Variants in WARS2 observed in about 807,000 individuals in gnomAD.
The protein encoded by WARS2 is tryptophan--tRNA ligase, mitochondrial.
In WARS2, 28 loss-of-function variants were observed where a neutral mutation model predicts 36.5. That is an observed-to-expected ratio of 0.77 (90% CI 0.57 to 1.05). The LOEUF is 1.05. Ranked by LOEUF, WARS2 falls within the 50% of genes least tolerant of loss-of-function variation. The pLI is 0.00. For synonymous variants in WARS2, 174 were observed against 178.4 expected (o/e 0.98, Z 0.20); for missense variants, 435 against 456.8 (o/e 0.95, Z 0.44).
intron 1 of WARS2, chr1:119,126,935 T>C (rs1655705110): frequency 2.7e-6 from 2 of 745,910 alleles, no homozygotes; most frequent in Non-Finnish European, 2.4e-6. Context: ...GATGAAGCAA[T>C]CATTGTCTGC....
chr1:119,123,272 A>C (rs1208371511), intron 1 of WARS2, among the ~76,000 whole-genome samples: 1 of 152,236 alleles, frequency 6.6e-6, no homozygotes, highest in Non-Finnish European at 1.5e-5. Context: ...TGCCCAAGTC[A>C]ATTGGCACTA....
At chr1:119,085,422 T>G in intron 1 of WARS2, 1 of 1,478,058 alleles carries the variant, frequency 6.8e-7, no homozygotes, top group South Asian at 1.2e-5. Flanking sequence ...GGATGGTTGC[T>G]CTGCCTGTAC....
At chr1:119,043,736 T>G (rs1648563772) in intron 3 of WARS2, among the ~76,000 whole-genome samples, 1 of 152,216 alleles carries the variant, frequency 6.6e-6, no homozygotes, top group African/African-American at 2.4e-5. Flanking sequence ...CACATTCAAT[T>G]TATAGCCTTT....
chr1:119,131,602 G>A (rs57055643), intron 1 of WARS2, among the ~76,000 whole-genome samples: 68,287 of 151,494 alleles, frequency 0.45, 15,993 homozygotes, highest in East Asian at 0.8. Context: ...AGCTGGGACT[G>A]CAGGCGCCCG....
intron 1 of WARS2, among the ~76,000 whole-genome samples, chr1:119,090,721 A>C (rs1652983900): frequency 6.6e-6 from 1 of 152,114 alleles, no homozygotes; most frequent in South Asian, 2.1e-4. Context: ...GAAAAAAATA[A>C]AAATACACAA....
At chr1:119,073,760 T>C (rs1651507986) in intron 2 of WARS2, among the ~76,000 whole-genome samples, 1 of 152,204 alleles carries the variant, frequency 6.6e-6, no homozygotes, top group Admixed American at 6.5e-5. Flanking sequence ...TCAATTGCTA[T>C]TTTGAACAAC....
At chr1:119,057,993 T>C (rs1423903149) in intron 2 of WARS2, among the ~76,000 whole-genome samples, 1 of 152,196 alleles carries the variant, frequency 6.6e-6, no homozygotes, top group Non-Finnish European at 1.5e-5. Context: ...GTTTCTCTTA[T>C]ATTAAGTGAT....
chr1:119,117,882 G>C (rs12036872), intron 1 of WARS2, among the ~76,000 whole-genome samples: 56,402 of 152,004 alleles, frequency 0.37, 11,385 homozygotes, highest in East Asian at 0.79. Flanking sequence ...GAAACGGGGA[G>C]AGCATCACAT....
chr1:119,112,292 A>G (rs1165488573), intron 1 of WARS2, among the ~76,000 whole-genome samples: 1 of 152,172 alleles, frequency 6.6e-6, no homozygotes, highest in Non-Finnish European at 1.5e-5. Context: ...AACTCTGACA[A>G]CTTTATTAGA....
At chr1:119,107,738 G>A (rs143915043) in intron 1 of WARS2, among the ~76,000 whole-genome samples, 1 of 152,120 alleles carries the variant, frequency 6.6e-6, no homozygotes, top group East Asian at 1.9e-4. Context: ...AAGGGGTGGT[G>A]ACATCCTTGT....
intron 2 of WARS2, among the ~76,000 whole-genome samples, chr1:119,071,977 A>G (rs1557959912): frequency 6.6e-6 from 1 of 152,202 alleles, no homozygotes; most frequent in Non-Finnish European, 1.5e-5. Flanking sequence ...AAAAGAAGAA[A>G]AAGAAAAAAA....
chr1:119,084,677 A>G (rs1033995452), intron 1 of WARS2, among the ~76,000 whole-genome samples: 1 of 152,182 alleles, frequency 6.6e-6, no homozygotes, highest in African/African-American at 2.4e-5. Context: ...AACATCAAAC[A>G]CAAAACTAGA....
At chr1:119,112,588 C>T (rs990463472) in intron 1 of WARS2, among the ~76,000 whole-genome samples, 2 of 152,112 alleles carry the variant, frequency 1.3e-5, no homozygotes, top group Non-Finnish European at 2.9e-5. Flanking sequence ...AGAACACAGG[C>T]GTACTGCTAA....
At chr1:119,117,078 G>A (rs1038553719) in intron 1 of WARS2, among the ~76,000 whole-genome samples, 2 of 152,196 alleles carry the variant, frequency 1.3e-5, no homozygotes, top group African/African-American at 4.8e-5. Flanking sequence ...TAAACTCAGT[G>A]CAGTTAGGGA....
At chr1:119,087,681 T>C (rs1652769698) in intron 1 of WARS2, among the ~76,000 whole-genome samples, 1 of 152,242 alleles carries the variant, frequency 6.6e-6, no homozygotes, top group Admixed American at 6.5e-5. Flanking sequence ...CAATTATGCA[T>C]GCAGAGGAGG....
Position 119,083,884 on chromosome 1 carries a change from C to T in WARS2, c.91-7277G>A, listed in dbSNP as rs181843709. On this transcript the variant is annotated intron_variant, in intron 1 of 5. Transcript: ENST00000235521. The stretch of plus-strand genomic sequence containing the variant: ...CAAATCAGCAAGTGTCATATTCTTG[C>T]CATAACATACTAACTAACACAGCAT... Among the ~76,000 whole-genome samples the T allele has an allele frequency of 1.7e-4, 26 of 152,250 alleles. No individual in the cohort carries two copies. In the East Asian group the frequency reaches 3.9e-3, roughly 23 times the overall value.
At position 119,103,540 on chromosome 1, in the gene WARS2, G is replaced by A. The variant is rs72707315; in HGVS notation, c.91-26933C>T. Reference sequence around the variant, plus strand: ...TTAGAAGCTCTGGAAAAGGAATCCTGTGGTTTAAAGGAGAATTTGTACTTT... The same window carrying A: ...TTAGAAGCTCTGGAAAAGGAATCCTATGGTTTAAAGGAGAATTTGTACTTT... On this transcript the variant is annotated intron_variant, in intron 1 of 5. Coordinates refer to ENST00000235521, the MANE Select transcript of WARS2 (RefSeq NM_015836.4). Among the ~76,000 whole-genome samples the A allele has an allele frequency of 2.8e-3, 433 of 152,038 alleles. 5 individuals carry two copies. The highest frequency in any genetic ancestry group is 0.02 in the Middle Eastern group (6 of 294).
Position 119,076,579 on chromosome 1 carries a change from C to T in WARS2, c.119G>A (p.Gly40Asp), listed in dbSNP as rs867578924. 23 of 1,614,084 alleles carry T rather than the reference C, an allele frequency of 1.4e-5. No homozygotes were observed. The highest frequency in any genetic ancestry group is 1.9e-5 in the Non-Finnish European group (23 of 1,180,012). The change falls in exon 2 of 6, where the codon GGC becomes GAC. Residue 40 changes from glycine (G) to aspartate (D), a missense_variant. Transcript: ENST00000235521. ...GTGGAGGATTCCTGTAGGTTGAATG[C>T]CGGAAAATACTCGCTTCTTGCTGTC... ...QKDSKKRVFS[G>D]IQPTGILHLG...
chr1:119,049,071 CA>C (rs1649115733), intron 2 of WARS2, among the ~76,000 whole-genome samples: 2 of 151,844 alleles, frequency 1.3e-5, no homozygotes, highest in South Asian at 4.2e-4. Context: ...GACTCTGTCC[CA>C]AAAATATAAA....
Sources: allele counts gnomAD v4.1 joint callset (sites outside exome capture counted in the v4.1 genomes callset), GRCh38; gene constraint gnomAD v4.1.1; transcripts MANE v1.5; gene names NCBI Gene and HGNC (gene_info 2026-07-23, HGNC 2026-07-21).